The following CYP20A1 variants were observed in gnomAD, a reference collection of about 807,000 sequenced individuals.
The protein encoded by CYP20A1 is cytochrome P450 family 20 subfamily A member 1.
Under a neutral mutation model 61.4 loss-of-function variants are expected in CYP20A1, and 61 were observed. The observed-to-expected ratio is 0.99, with a 90% CI of 0.81 to 1.23. The LOEUF (loss-of-function observed/expected upper bound fraction) is 1.23, where lower values mean the gene tolerates loss of function less well. Ranked by LOEUF, CYP20A1 falls within the 50% of genes most tolerant of loss-of-function variation. CYP20A1 has a pLI of 0.00. For missense variants in CYP20A1, 530 were observed against 542.4 expected (o/e 0.98, Z 0.23); for synonymous variants, 193 against 188.2 (o/e 1.03, Z -0.21).
At chr2:203,257,213 G>T (rs949249039) in intron 4 of CYP20A1, among the ~76,000 whole-genome samples, 7 of 151,408 alleles carry the variant, frequency 4.6e-5, no homozygotes, top group Admixed American at 4.6e-4. Flanking sequence ...AGCTAATCGA[G>T]AGTCTATGAG....
rs1395754088 is a variant in CYP20A1 at position 203,303,644 on chromosome 2, G to A, written c.*6736G>A. 2.0e-5 allele frequency among the ~76,000 whole-genome samples: 3 copies of A among 151,862 alleles called. No individual in the cohort carries two copies. Among genetic ancestry groups the A allele is most frequent in the South Asian group, 2.1e-4 (1 of 4,810 alleles). ...CAAGAGTCGGAGGTTGCAGTGAGCC[G>A]AGATCGCGCCATTGCACTCCAGTGT... is the stretch of plus-strand genomic sequence containing the variant. On this transcript the variant is annotated 3_prime_UTR_variant, in exon 13 of 13. Coordinates refer to ENST00000356079, the MANE Select transcript of CYP20A1 (RefSeq NM_177538.3).
rs1045335895 is a variant in CYP20A1, at chr2:203,305,097, G to C, written c.*8189G>C. On this transcript the variant is annotated 3_prime_UTR_variant, in exon 13 of 13. Coordinates refer to ENST00000356079, the MANE Select transcript of CYP20A1 (RefSeq NM_177538.3). ...TGGATAATTGTAAAGTTTGAGTTGGGACCCATTTTTTAAGACATTCAGGCT... is the reference window on the plus strand; with the variant it reads ...TGGATAATTGTAAAGTTTGAGTTGGCACCCATTTTTTAAGACATTCAGGCT... 4.0e-5 allele frequency among the ~76,000 whole-genome samples: 6 copies of C among 151,702 alleles called. No homozygotes were observed. The highest frequency in any genetic ancestry group is 1.5e-4 in the African/African-American group (6 of 41,274).
rs188869068 is a variant in CYP20A1, at chr2:203,294,658, C to T, written c.1149-1816C>T. Among the ~76,000 whole-genome samples the T allele has an allele frequency of 6.2e-4, 94 of 151,250 alleles. 1 individual carries two copies. In the East Asian group the frequency reaches 0.012, roughly 19 times the overall value. On this transcript the variant is annotated intron_variant, in intron 11 of 12. Coordinates refer to ENST00000356079, the MANE Select transcript of CYP20A1 (RefSeq NM_177538.3). Reference sequence around the variant, plus strand: ...GCAACGTGTATCTTTTTTTTTTGGACGGAGTCTCAATCTGTTGCCAGGCTG... The same window carrying T: ...GCAACGTGTATCTTTTTTTTTTGGATGGAGTCTCAATCTGTTGCCAGGCTG...
At chr2:203,284,950 T>C (rs1338116864) in intron 8 of CYP20A1, among the ~76,000 whole-genome samples, 1 of 151,942 alleles carries the variant, frequency 6.6e-6, no homozygotes, top group Non-Finnish European at 1.5e-5. Context: ...TTTGCCATGT[T>C]GCCCAGACTA....
In CYP20A1 at chr2:203,296,482, C is replaced by T; in HGVS notation, c.1157C>T (p.Pro386Leu). ...TCAAATTTTCTTTGTAGGTTTGATC[C>T]AGATCGGTTTGATGATGAATTAGTA... ...NTWPSPHKFD[P>L]DRFDDELVMK... Residue 386 changes from proline (P) to leucine (L), a missense_variant, in exon 12 of 13, where the codon CCA becomes CTA. Pro to Leu is a moderately conservative substitution (Grantham distance 98, BLOSUM62 -3). Transcript: ENST00000356079. The T allele has an allele frequency of 6.2e-7, 1 of 1,609,802 alleles. No homozygotes were observed. The highest frequency in any genetic ancestry group is 1.3e-5 in the African/African-American group (1 of 74,898).
intron 1 of CYP20A1, among the ~76,000 whole-genome samples, chr2:203,242,400 A>T (rs2066284493): frequency 6.6e-6 from 1 of 152,206 alleles, no homozygotes; most frequent in Non-Finnish European, 1.5e-5. Flanking sequence ...GGGGCTGATA[A>T]CTAGAGAAGG....
At chr2:203,295,986 C>G (rs977672023) in intron 11 of CYP20A1, among the ~76,000 whole-genome samples, 1 of 151,570 alleles carries the variant, frequency 6.6e-6, no homozygotes, top group Non-Finnish European at 1.5e-5. Flanking sequence ...AAGTGCCAGT[C>G]GTGGTGGTTC....
At chr2:203,276,315 A>C (rs2067818086) in intron 6 of CYP20A1, among the ~76,000 whole-genome samples, 1 of 152,162 alleles carries the variant, frequency 6.6e-6, no homozygotes, top group Non-Finnish European at 1.5e-5. Flanking sequence ...GGTTGTTACT[A>C]TGAGGTAGGA....
chr2:203,258,520 A>C (rs1052895110), intron 4 of CYP20A1, among the ~76,000 whole-genome samples: 2 of 152,170 alleles, frequency 1.3e-5, no homozygotes, highest in Non-Finnish European at 2.9e-5. Context: ...AGCATTAATT[A>C]ATACATTGGT....
chr2:203,240,811 G>C (rs548711080), intron 1 of CYP20A1, among the ~76,000 whole-genome samples: 1 of 152,342 alleles, frequency 6.6e-6, no homozygotes, highest in African/African-American at 2.4e-5. Flanking sequence ...TAAATGACTT[G>C]TAAGGCTTTT....
At chr2:203,268,780 G>T in intron 5 of CYP20A1, among the ~76,000 whole-genome samples, 1 of 151,978 alleles carries the variant, frequency 6.6e-6, no homozygotes, top group East Asian at 1.9e-4. Flanking sequence ...AATGTACATT[G>T]TACCCATTAA....
intron 6 of CYP20A1, among the ~76,000 whole-genome samples, chr2:203,273,320 T>G (rs1263419072): frequency 6.6e-6 from 1 of 152,152 alleles, no homozygotes; most frequent in Non-Finnish European, 1.5e-5. Context: ...TGTACAATCT[T>G]AAGAAAGCAG....
Position 203,304,999 on chromosome 2 carries a change from A to G in CYP20A1, c.*8091A>G, listed in dbSNP as rs754034172. 1.1e-4 allele frequency among the ~76,000 whole-genome samples: 16 copies of G among 152,214 alleles called. No individual in the cohort carries two copies. The highest frequency in any genetic ancestry group is 6.8e-3 in the Middle Eastern group (2 of 294). On this transcript the variant is annotated 3_prime_UTR_variant, in exon 13 of 13. Transcript: ENST00000356079. The stretch of plus-strand genomic sequence containing the variant: ...TTCATTTTTGTAAGAGCTTCAGGGA[A>G]TAGGCTTTTTTAAAGGGAATAGACT...
intron 8 of CYP20A1, among the ~76,000 whole-genome samples, chr2:203,284,512 A>T (rs2068183083): frequency 6.6e-6 from 1 of 151,814 alleles, no homozygotes; most frequent in Non-Finnish European, 1.5e-5. Context: ...TCAACATGTA[A>T]TTTCTTTACA....
chr2:203,239,306 T>G (rs2066158870), intron 1 of CYP20A1, among the ~76,000 whole-genome samples, 172 bp downstream of exon 1: 1 of 151,946 alleles, frequency 6.6e-6, no homozygotes, highest in South Asian at 2.1e-4. Context: ...GTGACGCCCC[T>G]CCCGGCAAGC....
intron 8 of CYP20A1, among the ~76,000 whole-genome samples, chr2:203,282,114 T>A (rs933956887): frequency 6.8e-6 from 1 of 147,722 alleles, no homozygotes; most frequent in African/African-American, 2.5e-5. Flanking sequence ...TTCAGGTCAC[T>A]GCAACCTCCA....
chr2:203,254,577 G>T (rs925764524), intron 4 of CYP20A1, among the ~76,000 whole-genome samples: 1 of 151,594 alleles, frequency 6.6e-6, no homozygotes, highest in Non-Finnish European at 1.5e-5. Flanking sequence ...TTATCATTCC[G>T]GTGTTTTGTG....
In CYP20A1 at chr2:203,249,409, G is replaced by GC. The variant is rs2066577276; in HGVS notation, c.289+2490dup. On this transcript the variant is annotated intron_variant, in intron 3 of 12. Coordinates refer to ENST00000356079, the MANE Select transcript of CYP20A1 (RefSeq NM_177538.3). The stretch of plus-strand genomic sequence containing the variant: ...AAGAAAGAGAGATGGTAAAATGTTG[G>GC]CCACACATTGCTACACCTGATGTGT... 3.9e-5 allele frequency among the ~76,000 whole-genome samples: 6 copies of GC among 152,052 alleles called. No homozygotes were observed. The South Asian group carries it at 1.2e-3, about 31-fold the overall frequency.
chr2:203,247,859 A>G (rs1026829876), intron 3 of CYP20A1, among the ~76,000 whole-genome samples: 2 of 152,072 alleles, frequency 1.3e-5, no homozygotes, highest in African/African-American at 4.8e-5. Context: ...TCCATCTCCA[A>G]AAAACACAGA....
Sources: gnomAD v4.1 joint callset for allele counts (sites outside exome capture counted in the v4.1 genomes callset) on GRCh38, gnomAD v4.1.1 for gene constraint, MANE v1.5 for transcripts, NCBI Gene and HGNC (gene_info 2026-07-23, HGNC 2026-07-21) for gene names.